RPRD1A: variants seen among roughly 807,000 people sequenced by gnomAD.
The protein encoded by RPRD1A is regulation of nuclear pre-mRNA domain containing 1A, also known as regulation of nuclear pre-mRNA domain-containing protein 1A.
In RPRD1A, 9 loss-of-function variants were observed where a neutral mutation model predicts 37.8. The observed-to-expected ratio is 0.24, with a 90% CI of 0.14 to 0.42. The LOEUF (loss-of-function observed/expected upper bound fraction) is 0.42. Among genes scored for constraint, RPRD1A ranks in the 10% least tolerant of loss-of-function variants. The pLI, the probability that RPRD1A is intolerant of heterozygous loss-of-function variation, is 1.00. For synonymous variants in RPRD1A, 138 were observed against 139.7 expected (o/e 0.99, Z 0.08); for missense variants, 255 against 371.0 (o/e 0.69, Z 2.57).
At chr18:36,025,280 T>A (rs1209287871) in intron 6 of RPRD1A, 1 of 196,324 alleles carries the variant, frequency 5.1e-6, no homozygotes, top group African/African-American at 2.4e-5. Context: ...ATGTGGATAA[T>A]ACATCCTGCT....
At chr18:35,995,286 G>A (rs1391167603) in intron 6 of RPRD1A, among the ~76,000 whole-genome samples, 25 of 122,512 alleles carry the variant, frequency 2.0e-4, no homozygotes, top group Non-Finnish European at 3.2e-4. Flanking sequence ...TTTTTGAGAC[G>A]GAGTTTCGCT....
In RPRD1A at chr18:36,026,943, C is replaced by T. The variant is rs1172813385; in HGVS notation, c.746G>A (p.Arg249His). The T allele has an allele frequency of 4.3e-6, 7 of 1,613,882 alleles. No homozygotes were observed. The highest frequency in any genetic ancestry group is 2.7e-5 in the African/African-American group (2 of 75,048). ...CTCTGCAAGGGCTTCCTTTTGACAA[C>T]GAAGAAAATCTGCTAACATTCGAGT... ...QLTRMLADFL[R>H]CQKEALAEKE... is the part of the protein sequence containing the mutation. Residue 249 changes from arginine (R) to histidine (H), a missense_variant, in exon 6 of 7, where the codon CGT becomes CAT. Around this residue, in one of 2 missense-constraint regions of RPRD1A, gnomAD observed 211 missense variants for 268.9 expected, o/e 0.78. Transcript: ENST00000399022.
intron 6 of RPRD1A, among the ~76,000 whole-genome samples, chr18:36,009,379 G>A (rs1910026599): frequency 6.6e-6 from 1 of 152,132 alleles, no homozygotes; most frequent in African/African-American, 2.4e-5. Context: ...GGATATGGAG[G>A]GGTTTACCCG....
chr18:36,057,074 AAAAAAAT>A (rs2144404175), intron 1 of RPRD1A, among the ~76,000 whole-genome samples: 3 of 144,014 alleles, frequency 2.1e-5, no homozygotes, highest in Non-Finnish European at 3.1e-5. Context: ...AAAAAAAAAA[AAAAAAAT>A]CAGCCAGTCA....
At chr18:36,026,861 T>G in intron 6 of RPRD1A, 39 bp downstream of exon 6, 1 of 1,538,706 alleles carries the variant, frequency 6.5e-7, no homozygotes. Context: ...AAAAAGAGAA[T>G]TAAATAAATA....
intron 6 of RPRD1A, among the ~76,000 whole-genome samples, chr18:36,005,734 G>A (rs540647132): frequency 2.6e-5 from 4 of 152,144 alleles, no homozygotes; most frequent in Non-Finnish European, 4.4e-5. Context: ...TCTAGAACCC[G>A]TAACTCCCAA....
chr18:36,058,641 G>A (rs1347312964), intron 1 of RPRD1A, among the ~76,000 whole-genome samples: 4 of 152,126 alleles, frequency 2.6e-5, no homozygotes, highest in Non-Finnish European at 5.9e-5. Context: ...ATTTTAGAGG[G>A]ATATGTCTGC....
rs2089058896 is a variant in RPRD1A at position 36,067,558 on chromosome 18, A to G, written c.-154T>C. ...CCAAGACCGGCCGCAAACCAGCAAG[A>G]TGGCGTCCGGCCGGCAGTGACGTCA... On this transcript the variant is annotated 5_prime_UTR_variant, in exon 1 of 7. Coordinates refer to ENST00000399022, the MANE Select transcript of RPRD1A (RefSeq NM_018170.5). The G allele has an allele frequency of 4.3e-6, 3 of 702,226 alleles. No homozygotes were observed. The allele number at this position is 702,226 out of a possible 1,614,324, so 43.5% of individuals were successfully genotyped here.
intron 1 of RPRD1A, among the ~76,000 whole-genome samples, chr18:36,055,236 AG>A (rs1446812521): frequency 6.6e-6 from 1 of 152,278 alleles, no homozygotes; most frequent in Admixed American, 6.5e-5. Flanking sequence ...TAAATGTCTA[AG>A]GTATTTTTAA....
At chr18:36,065,539 A>G (rs1427210972) in intron 1 of RPRD1A, among the ~76,000 whole-genome samples, 1 of 152,204 alleles carries the variant, frequency 6.6e-6, no homozygotes, top group South Asian at 2.1e-4. Flanking sequence ...TTTTGTTATT[A>G]TGAAGCTGCA....
intron 1 of RPRD1A, among the ~76,000 whole-genome samples, chr18:36,065,198 A>C (rs2089004133): frequency 6.6e-6 from 1 of 152,256 alleles, no homozygotes; most frequent in African/African-American, 2.4e-5. Context: ...CTATCTTGGA[A>C]TATGGTGTTA....
Position 35,992,305 on chromosome 18 carries a change from A to G in RPRD1A, c.*846T>C, listed in dbSNP as rs184905507. 3.1e-3 allele frequency: 468 copies of G among 152,574 alleles called. 5 individuals are homozygous for G. Among genetic ancestry groups the G allele is most frequent in the African/African-American group, 0.01 (435 of 41,580 alleles). 9.5% of individuals were successfully genotyped at this position (152,574 alleles called of 1,614,324 possible). A position where few individuals can be genotyped will look rare whatever the true frequency, so the allele number is the denominator to read the frequency against. On this transcript the variant is annotated 3_prime_UTR_variant, in exon 7 of 7. Transcript: ENST00000399022. The stretch of plus-strand genomic sequence containing the variant: ...AAAGTATCATTTCACGTGTCTTTTA[A>G]TCCCATAGACGGCTTTTTGTTAAAG...
intron 1 of RPRD1A, among the ~76,000 whole-genome samples, chr18:36,060,083 C>G (rs774522739): frequency 6.6e-5 from 10 of 152,180 alleles, no homozygotes; most frequent in Non-Finnish European, 1.5e-4. Flanking sequence ...CAATTTAAAA[C>G]AGACTCTCTT....
intron 4 of RPRD1A, 131 bp from the exon 5 acceptor site, chr18:36,027,441 G>T: frequency 1.1e-6 from 1 of 897,118 alleles, no homozygotes; most frequent in Admixed American, 2.6e-5. Flanking sequence ...TGCTTTTGAA[G>T]ACAATCAATT....
At chr18:36,014,791 G>A (rs1910401118) in intron 6 of RPRD1A, among the ~76,000 whole-genome samples, 1 of 152,050 alleles carries the variant, frequency 6.6e-6, no homozygotes, top group African/African-American at 2.4e-5. Context: ...CAAAGGACTT[G>A]AATAGACATT....
In RPRD1A at chr18:35,992,040, G is replaced by T. The variant is rs564591786; in HGVS notation, c.*1111C>A. On this transcript the variant is annotated 3_prime_UTR_variant, in exon 7 of 7. Coordinates refer to ENST00000399022, the MANE Select transcript of RPRD1A (RefSeq NM_018170.5). ...GCATGCAACTGCTCTAACACACAGG[G>T]TCAGAAATAAAAGGTAAAAGTACAT... 6.5e-6 allele frequency: 1 copy of T among 152,678 alleles called. No homozygotes were observed. The highest frequency in any genetic ancestry group is 1.9e-4 in the East Asian group (1 of 5,186). 9.5% of individuals were successfully genotyped at this position (152,678 alleles called of 1,614,324 possible).
At chr18:36,054,822 A>G (rs1444881192) in intron 1 of RPRD1A, among the ~76,000 whole-genome samples, 1 of 151,996 alleles carries the variant, frequency 6.6e-6, no homozygotes, top group East Asian at 1.9e-4. Context: ...AGAGCAGCCA[A>G]TACTTCAGTT....
chr18:36,065,058 C>T (rs1231801740), intron 1 of RPRD1A, among the ~76,000 whole-genome samples: 1 of 152,160 alleles, frequency 6.6e-6, no homozygotes, highest in Non-Finnish European at 1.5e-5. Flanking sequence ...CCAGACATGT[C>T]TGAACATCAG....
At chr18:36,037,452 T>A (rs1629690) in intron 1 of RPRD1A, among the ~76,000 whole-genome samples, 1 of 152,212 alleles carries the variant, frequency 6.6e-6, no homozygotes, top group Non-Finnish European at 1.5e-5. Context: ...TTTCCTGAGG[T>A]CTCCCCAGCC....
Sources: gnomAD v4.1 joint callset for allele counts (sites outside exome capture counted in the v4.1 genomes callset) on GRCh38, gnomAD v4.1.1 for gene constraint, gnomAD v4.1.1 regional missense constraint, MANE v1.5 for transcripts, NCBI Gene and HGNC (gene_info 2026-07-23, HGNC 2026-07-21) for gene names.